Variants in GALNT13 observed in about 807,000 individuals in gnomAD.
GALNT13 encodes UDP-GalNAc:polypeptide N-acetylgalactosaminyltransferase 13.
In GALNT13, 28 loss-of-function variants were observed where a neutral mutation model predicts 64.2. That is an observed-to-expected ratio of 0.44 (90% CI 0.32 to 0.60). GALNT13 has a LOEUF of 0.60. Ranked by LOEUF, GALNT13 falls within the 20% of genes least tolerant of loss-of-function variation. The probability of loss-of-function intolerance (pLI) is 0.05; values close to 1 mark genes in which losing one functional copy is unlikely to be tolerated. For missense variants in GALNT13, 577 were observed against 669.8 expected (o/e 0.86, Z 1.53); for synonymous variants, 214 against 224.6 (o/e 0.95, Z 0.42).
At chr2:153,622,494 G>C in the GALNT13 span, among the ~76,000 whole-genome samples, 1 of 152,140 alleles carries the variant, frequency 6.6e-6, no homozygotes, top group Admixed American at 6.6e-5. Flanking sequence ...TGGAGGTTGA[G>C]GTAAGGCAAA....
intron 3 of GALNT13, among the ~76,000 whole-genome samples, chr2:154,127,211 T>G (rs1192499412): frequency 6.6e-6 from 1 of 152,118 alleles, no homozygotes. Context: ...AAGCATAAAT[T>G]GCAATGGTAC....
At chr2:153,412,059 CT>C in the GALNT13 span, among the ~76,000 whole-genome samples, 1 of 152,188 alleles carries the variant, frequency 6.6e-6, no homozygotes, top group African/African-American at 2.4e-5. Flanking sequence ...CTACATCTTT[CT>C]CGTGTGCTGG....
At chr2:153,958,398 T>A (rs1692719736) in intron 3 of GALNT13, among the ~76,000 whole-genome samples, 1 of 152,160 alleles carries the variant, frequency 6.6e-6, no homozygotes, top group Non-Finnish European at 1.5e-5. Flanking sequence ...TTTCTTTCAG[T>A]TTTAGAAAAG....
intron 1 of GALNT13, among the ~76,000 whole-genome samples, chr2:153,873,331 G>A (rs902573581): frequency 2.0e-5 from 3 of 152,222 alleles, no homozygotes; most frequent in African/African-American, 2.4e-5. Context: ...AGGGCGCTGC[G>A]CTGCTGCGAA....
chr2:153,780,984 T>G, the GALNT13 span, among the ~76,000 whole-genome samples: 2 of 152,160 alleles, frequency 1.3e-5, no homozygotes, highest in African/African-American at 4.8e-5. Flanking sequence ...GGTGAATGCA[T>G]GGAATGACCA....
the GALNT13 span, among the ~76,000 whole-genome samples, chr2:153,506,047 A>G: frequency 5.3e-5 from 8 of 152,114 alleles, no homozygotes; most frequent in Admixed American, 2.0e-4. Flanking sequence ...GTGCGTATAT[A>G]TTTAGGATTG....
chr2:153,639,123 C>T, the GALNT13 span, among the ~76,000 whole-genome samples: 2 of 151,606 alleles, frequency 1.3e-5, no homozygotes, highest in Admixed American at 1.3e-4. Context: ...GTAAAGAGAT[C>T]AGTAAATACA....
At chr2:153,449,350 C>T in the GALNT13 span, among the ~76,000 whole-genome samples, 1 of 152,126 alleles carries the variant, frequency 6.6e-6, no homozygotes, top group Non-Finnish European at 1.5e-5. Flanking sequence ...CCTTCTGCAT[C>T]CTGTGTTGTC....
the GALNT13 span, among the ~76,000 whole-genome samples, chr2:153,765,344 G>A: frequency 6.6e-6 from 1 of 152,162 alleles, no homozygotes; most frequent in Non-Finnish European, 1.5e-5. Context: ...AGCGTGACCT[G>A]GATGTGAGAC....
chr2:153,635,276 C>A, the GALNT13 span, among the ~76,000 whole-genome samples: 1 of 151,792 alleles, frequency 6.6e-6, no homozygotes, highest in Non-Finnish European at 1.5e-5. Context: ...AGATAGTACA[C>A]TACCTTTCCA....
At chr2:154,180,693 G>A (rs1685913575) in intron 4 of GALNT13, among the ~76,000 whole-genome samples, 1 of 152,038 alleles carries the variant, frequency 6.6e-6, no homozygotes, top group African/African-American at 2.4e-5. Flanking sequence ...CCCTATAGGG[G>A]TGTATCTATC....
chr2:153,118,482 T>G, the GALNT13 span, among the ~76,000 whole-genome samples: 1 of 152,200 alleles, frequency 6.6e-6, no homozygotes, highest in Admixed American at 6.5e-5. Context: ...TCTTCCCACA[T>G]TGGGGTACAA....
intron 4 of GALNT13, among the ~76,000 whole-genome samples, chr2:154,228,852 GAGGA>G (rs1365443974): frequency 1.2e-4 from 18 of 151,980 alleles, no homozygotes; most frequent in Admixed American, 9.8e-4. Flanking sequence ...GTCCTTTCCT[GAGGA>G]AGGAATTTAG....
At chr2:154,109,429 A>C (rs1337674950) in intron 3 of GALNT13, among the ~76,000 whole-genome samples, 1 of 151,954 alleles carries the variant, frequency 6.6e-6, no homozygotes, top group African/African-American at 2.4e-5. Context: ...AAATATCAAC[A>C]ATTTTACTTC....
the GALNT13 span, among the ~76,000 whole-genome samples, chr2:153,200,880 T>G: frequency 6.6e-6 from 1 of 152,236 alleles, no homozygotes; most frequent in Non-Finnish European, 1.5e-5. Context: ...TTGTTTCTCC[T>G]GAAGGCACTC....
the GALNT13 span, among the ~76,000 whole-genome samples, chr2:153,286,977 T>A: frequency 3.9e-5 from 6 of 152,084 alleles, no homozygotes; most frequent in Non-Finnish European, 8.8e-5. Flanking sequence ...ATACAACAAT[T>A]TAAAAGGTAA....
the GALNT13 span, among the ~76,000 whole-genome samples, chr2:153,724,784 A>G: frequency 8.0e-5 from 11 of 138,028 alleles, no homozygotes; most frequent in African/African-American, 3.4e-4. Flanking sequence ...TAGAATGGCA[A>G]TCATTAAAAA....
chr2:153,667,060 A>G, the GALNT13 span, among the ~76,000 whole-genome samples: 15 of 152,132 alleles, frequency 9.9e-5, no homozygotes, highest in African/African-American at 3.6e-4. Flanking sequence ...TCACTTCTTC[A>G]ACTCACTTCA....
chr2:153,518,805 T>C, the GALNT13 span, among the ~76,000 whole-genome samples: 1 of 152,108 alleles, frequency 6.6e-6, no homozygotes, highest in Admixed American at 6.6e-5. Context: ...AGCCTTTTCT[T>C]ATCAGTCCCA....
Sources: allele counts gnomAD v4.1 joint callset (sites outside exome capture counted in the v4.1 genomes callset), GRCh38; gene constraint gnomAD v4.1.1; transcripts MANE v1.5; gene names NCBI Gene and HGNC (gene_info 2026-07-23, HGNC 2026-07-21).